Variants in ZBTB20 observed in about 807,000 individuals in gnomAD.
ZBTB20 encodes the protein zinc finger and BTB domain-containing protein 20.
In ZBTB20, 9 loss-of-function variants were observed where a neutral mutation model predicts 56.9. That is an observed-to-expected ratio of 0.16 (90% CI 0.10 to 0.28). The LOEUF (loss-of-function observed/expected upper bound fraction) is 0.28. Among genes scored for constraint, ZBTB20 ranks in the 10% least tolerant of loss-of-function variants. ZBTB20 has a pLI of 1.00. For synonymous variants in ZBTB20, 417 were observed against 420.7 expected, an observed-to-expected ratio of 0.99 and a Z score of 0.11; for missense variants, 655 against 1,003.0, an observed-to-expected ratio of 0.65 and a Z score of 4.69.
intron 5 of ZBTB20, among the ~76,000 whole-genome samples, chr3:114,773,736 GA>G (rs1488270616): frequency 6.6e-6 from 1 of 152,018 alleles, no homozygotes. Context: ...AAGAAACAAT[GA>G]AAAAAAGAGA....
intron 4 of ZBTB20, among the ~76,000 whole-genome samples, chr3:114,854,827 G>C (rs1403724716): frequency 6.6e-6 from 1 of 152,166 alleles, no homozygotes; most frequent in Non-Finnish European, 1.5e-5. Context: ...GCTGCACTCT[G>C]ATCAGTAATT....
At chr3:114,581,105 A>G (rs182443293) in intron 6 of ZBTB20, among the ~76,000 whole-genome samples, 1 of 152,124 alleles carries the variant, frequency 6.6e-6, no homozygotes, top group African/African-American at 2.4e-5. Context: ...AGTCCATCGG[A>G]TCAAATAAAG....
intron 6 of ZBTB20, among the ~76,000 whole-genome samples, chr3:114,600,253 T>C (rs541989092): frequency 8.6e-5 from 13 of 152,042 alleles, no homozygotes; most frequent in East Asian, 1.9e-4. Flanking sequence ...TCCCAACAGA[T>C]TGAGATGAAG....
chr3:114,631,382 C>CTATTTTT, intron 6 of ZBTB20, among the ~76,000 whole-genome samples: 1 of 49,828 alleles, frequency 2.0e-5, no homozygotes, highest in African/African-American at 7.9e-5. Context: ...ATAGGTTATT[C>CTATTTTT]TTTTTTTTTT....
intron 6 of ZBTB20, among the ~76,000 whole-genome samples, chr3:114,562,408 C>T (rs559942120): frequency 6.6e-6 from 1 of 152,226 alleles, no homozygotes; most frequent in East Asian, 1.9e-4. Context: ...CATGATCCAC[C>T]TGCCTTGGCC....
intron 7 of ZBTB20, among the ~76,000 whole-genome samples, chr3:114,412,827 C>T (rs2733399): frequency 0.72 from 109,585 of 152,042 alleles, 40,606 homozygotes; most frequent in African/African-American, 0.91. Context: ...CAGTCTCTAG[C>T]TTTTCCTTAA....
At chr3:114,908,320 G>T (rs1405710654) in intron 3 of ZBTB20, among the ~76,000 whole-genome samples, 5 of 151,888 alleles carry the variant, frequency 3.3e-5, no homozygotes, top group Admixed American at 3.3e-4. Context: ...TCATAAGAAA[G>T]GAACTTAGAA....
chr3:114,845,183 G>A (rs2074631384), intron 4 of ZBTB20, among the ~76,000 whole-genome samples: 1 of 151,628 alleles, frequency 6.6e-6, no homozygotes, highest in African/African-American at 2.4e-5. Flanking sequence ...TGGATCCCAA[G>A]TGGCTAGTAA....
At chr3:115,062,883 A>G (rs1213812030) in intron 2 of ZBTB20, among the ~76,000 whole-genome samples, 1 of 152,214 alleles carries the variant, frequency 6.6e-6, no homozygotes, top group Non-Finnish European at 1.5e-5. Context: ...TTTAAAAACT[A>G]CTTAGAATGA....
chr3:114,654,219 T>G (rs1203748561), intron 6 of ZBTB20, among the ~76,000 whole-genome samples: 1 of 151,932 alleles, frequency 6.6e-6, no homozygotes, highest in Non-Finnish European at 1.5e-5. Flanking sequence ...CCTTTCTTCT[T>G]CCTTCTAATT....
chr3:114,989,865 T>C (rs1191361131), intron 2 of ZBTB20, among the ~76,000 whole-genome samples: 3 of 152,188 alleles, frequency 2.0e-5, no homozygotes, highest in African/African-American at 4.8e-5. Context: ...TTTGAAGCAA[T>C]TGTGAATGGG....
At chr3:115,146,835 G>A (rs1025179709) in intron 1 of ZBTB20, among the ~76,000 whole-genome samples, 1 of 152,214 alleles carries the variant, frequency 6.6e-6, no homozygotes, top group South Asian at 2.1e-4. Flanking sequence ...CAGGCGCAGG[G>A]AGTAGAGAGA....
At chr3:114,949,761 T>A (rs1440300676) in intron 3 of ZBTB20, among the ~76,000 whole-genome samples, 1 of 151,174 alleles carries the variant, frequency 6.6e-6, no homozygotes, top group Non-Finnish European at 1.5e-5. Context: ...AGTAAGACTC[T>A]GTCTCAAAAA....
At chr3:114,424,815 T>C (rs1021054182) in intron 7 of ZBTB20, among the ~76,000 whole-genome samples, 7 of 152,150 alleles carry the variant, frequency 4.6e-5, no homozygotes, top group African/African-American at 7.2e-5. Context: ...TTTTGTACCA[T>C]GGCATTGACC....
At chr3:115,107,814 A>T (rs1435015497) in intron 1 of ZBTB20, among the ~76,000 whole-genome samples, 1 of 152,228 alleles carries the variant, frequency 6.6e-6, no homozygotes, top group East Asian at 1.9e-4. Flanking sequence ...TGCAGCCATA[A>T]AAAGGAATGA....
At chr3:114,662,476 C>T (rs995114823) in intron 6 of ZBTB20, among the ~76,000 whole-genome samples, 11 of 146,538 alleles carry the variant, frequency 7.5e-5, no homozygotes, top group Non-Finnish European at 9.0e-5. Context: ...TGAGGAATCG[C>T]CACACTCACT....
intron 3 of ZBTB20, among the ~76,000 whole-genome samples, chr3:114,935,601 T>C (rs952520809): frequency 1.3e-5 from 2 of 152,152 alleles, no homozygotes; most frequent in African/African-American, 4.8e-5. Context: ...TTTGGTAAAA[T>C]GTATGAAGAA....
chr3:114,825,868 C>T (rs866967300), intron 4 of ZBTB20, among the ~76,000 whole-genome samples: 3 of 151,676 alleles, frequency 2.0e-5, no homozygotes, highest in East Asian at 3.9e-4. Context: ...TTTTCTTCCT[C>T]GCTGGGGTCT....
intron 3 of ZBTB20, among the ~76,000 whole-genome samples, chr3:114,953,445 T>A (rs560863860): frequency 6.6e-6 from 1 of 152,084 alleles, no homozygotes; most frequent in Non-Finnish European, 1.5e-5. Flanking sequence ...GGATTTTTTT[T>A]AATGACCCAA....
Sources: gnomAD v4.1 joint callset for allele counts (sites outside exome capture counted in the v4.1 genomes callset) on GRCh38, gnomAD v4.1.1 for gene constraint, MANE v1.5 for transcripts, NCBI Gene and HGNC (gene_info 2026-07-23, HGNC 2026-07-21) for gene names.